The following TSHZ2 variants were observed in gnomAD, a reference collection of about 807,000 sequenced individuals.
TSHZ2 encodes the protein teashirt homolog 2.
Under a neutral mutation model 74.4 loss-of-function variants are expected in TSHZ2, and 21 were observed. The observed-to-expected ratio is 0.28, with a 90% CI of 0.20 to 0.41. TSHZ2 has a LOEUF of 0.41. Among genes scored for constraint, TSHZ2 ranks in the 10% least tolerant of loss-of-function variants. TSHZ2 has a pLI of 1.00. For synonymous variants in TSHZ2, 540 were observed against 515.3 expected (o/e 1.05, Z -0.65); for missense variants, 1,244 against 1,293.5 (o/e 0.96, Z 0.59).
rs561404749 is a variant in TSHZ2, at chr20:53,457,198, T to A, written c.*9-29946T>A. 7.6e-5 allele frequency among the ~76,000 whole-genome samples: 11 copies of A among 145,176 alleles called. 4 individuals are homozygous for A. In the East Asian group the frequency reaches 2.1e-3, roughly 28 times the overall value. On this transcript the variant is annotated intron_variant, in intron 2 of 2. Transcript: ENST00000371497. ...ATTCTTCCTACCCATGAGCATGGAA[T>A]GTTCTTCCAGTTGTTTGTATCCTCT...
In TSHZ2 at chr20:53,377,996, G is replaced by A. The variant is rs542356718; in HGVS notation, c.*9-109148G>A. Among the ~76,000 whole-genome samples, 5 of 152,258 alleles carry A rather than the reference G, an allele frequency of 3.3e-5. 1 individual carries two copies. The South Asian group carries it at 1.0e-3, about 32-fold the overall frequency. On this transcript the variant is annotated intron_variant, in intron 2 of 2. Coordinates refer to ENST00000371497, the MANE Select transcript of TSHZ2 (RefSeq NM_173485.6). ...GAAATGTGAAGACAAAATATCCTAA[G>A]ATGAGAGAAACTTCAGCTTTTACTC...
intron 1 of TSHZ2, among the ~76,000 whole-genome samples, chr20:52,999,429 A>G (rs1982328149): frequency 3.9e-5 from 6 of 152,336 alleles, no homozygotes; most frequent in Admixed American, 3.9e-4. Context: ...TAAACCATAG[A>G]GCCTTTGCCT....
chr20:53,360,236 T>C (rs1052102299), intron 2 of TSHZ2, among the ~76,000 whole-genome samples: 1 of 152,218 alleles, frequency 6.6e-6, no homozygotes, highest in African/African-American at 2.4e-5. Flanking sequence ...ATAATGATAA[T>C]TCAGTATAAG....
intron 1 of TSHZ2, among the ~76,000 whole-genome samples, chr20:53,183,963 TG>T: frequency 6.6e-6 from 1 of 152,158 alleles, no homozygotes; most frequent in South Asian, 2.1e-4. Context: ...CTGAGAGAAA[TG>T]AAGGGAGTCC....
At chr20:53,482,109 A>T (rs200982754) in intron 2 of TSHZ2, among the ~76,000 whole-genome samples, 10 of 18,846 alleles carry the variant, frequency 5.3e-4, no homozygotes, top group Admixed American at 1.8e-3. Context: ...TCCATCTCAT[A>T]AAAAAAAAAA....
intron 1 of TSHZ2, among the ~76,000 whole-genome samples, chr20:52,978,136 C>T (rs770444384): frequency 1.5e-4 from 23 of 152,224 alleles, no homozygotes; most frequent in Admixed American, 4.6e-4. Flanking sequence ...ATTCATTTGA[C>T]GGAATTTCTC....
chr20:53,007,621 G>A (rs537937215), intron 1 of TSHZ2, among the ~76,000 whole-genome samples: 1 of 152,136 alleles, frequency 6.6e-6, no homozygotes, highest in African/African-American at 2.4e-5. Context: ...GTGTGTGTGT[G>A]TGTGAGTATG....
At chr20:53,126,182 C>G (rs76751798) in intron 1 of TSHZ2, among the ~76,000 whole-genome samples, 204 of 152,316 alleles carry the variant, frequency 1.3e-3, no homozygotes, top group African/African-American at 4.7e-3. Context: ...ATAAATACTC[C>G]TTGCATCTAG....
chr20:53,234,450 A>C (rs1468193647), intron 1 of TSHZ2, among the ~76,000 whole-genome samples: 2 of 152,250 alleles, frequency 1.3e-5, no homozygotes, highest in African/African-American at 4.8e-5. Flanking sequence ...ACTAACAAAG[A>C]AAGATCACAA....
At chr20:53,183,694 A>G (rs117894370) in intron 1 of TSHZ2, among the ~76,000 whole-genome samples, 2,338 of 152,330 alleles carry the variant, frequency 0.015, 25 homozygotes, top group Non-Finnish European at 0.025. Flanking sequence ...TCAGCTGATC[A>G]GTGACTGACA....
At position 52,973,480 on chromosome 20, in the gene TSHZ2, C is replaced by T. The variant is rs1981209004; in HGVS notation, c.40+147C>T. On this transcript the variant is annotated intron_variant, in intron 1 of 2. Transcript: ENST00000371497. Reference sequence around the variant, plus strand: ...CCCTTCTAATAACCCCGTCCTCTCTCGCCTTCTCTGGTCTCCCAAATCCTC... The same window carrying T: ...CCCTTCTAATAACCCCGTCCTCTCTTGCCTTCTCTGGTCTCCCAAATCCTC... 2.8e-6 allele frequency: 3 copies of T among 1,060,018 alleles called. No homozygotes were observed. In the Middle Eastern group the frequency reaches 9.4e-4, roughly 331 times the overall value. 65.7% of individuals were successfully genotyped at this position (1,060,018 alleles called of 1,614,324 possible). A position where few individuals can be genotyped will look rare whatever the true frequency, so the allele number is the denominator to read the frequency against.
chr20:53,015,658 A>T (rs1360887234), intron 1 of TSHZ2, among the ~76,000 whole-genome samples: 2 of 152,166 alleles, frequency 1.3e-5, no homozygotes, highest in Non-Finnish European at 2.9e-5. Flanking sequence ...GTTAAAATAT[A>T]GGAGGGTAAT....
intron 2 of TSHZ2, among the ~76,000 whole-genome samples, chr20:53,257,854 C>G (rs1242520431): frequency 1.2e-4 from 19 of 152,148 alleles, no homozygotes; most frequent in Admixed American, 1.2e-3. Context: ...AATCGCTCAC[C>G]ACACCCTATT....
chr20:53,087,441 T>G (rs1425003453), intron 1 of TSHZ2, among the ~76,000 whole-genome samples: 2 of 152,216 alleles, frequency 1.3e-5, no homozygotes, highest in East Asian at 3.9e-4. Flanking sequence ...ATGTTTTAGC[T>G]CTGACAGTCG....
In TSHZ2 at chr20:53,114,940, A is replaced by T. The variant is rs375649840; in HGVS notation, c.41-138559A>T. Among the ~76,000 whole-genome samples the T allele has an allele frequency of 2.0e-4, 30 of 152,166 alleles. No homozygotes were observed. The East Asian group carries it at 5.0e-3, about 25-fold the overall frequency. ...AGGGTGGACCTGAGAGGCAGGAAAA[A>T]ACTTGGGTTGGGTATCACGCATTCT... is the stretch of plus-strand genomic sequence containing the variant. On this transcript the variant is annotated intron_variant, in intron 1 of 2. Transcript: ENST00000371497.
intron 2 of TSHZ2, among the ~76,000 whole-genome samples, chr20:53,269,409 C>G (rs1990784872): frequency 1.3e-5 from 2 of 152,128 alleles, no homozygotes; most frequent in South Asian, 2.1e-4. Context: ...TAGCATTAAC[C>G]TGCATTTCCT....
At chr20:53,215,706 T>C (rs1274367907) in intron 1 of TSHZ2, among the ~76,000 whole-genome samples, 1 of 151,520 alleles carries the variant, frequency 6.6e-6, no homozygotes, top group African/African-American at 2.4e-5. Flanking sequence ...CCATCTCTAC[T>C]AAAAATACAA....
chr20:53,380,316 CAG>C lies in TSHZ2; in HGVS notation c.*9-106825_*9-106824del, dbSNP rs543117624. ...AAAGGCTTTCTTATTTTAGCAGTTA[CAG>C]AGTCTTATATAAAGCAAAATAAAAA... On this transcript the variant is annotated intron_variant, in intron 2 of 2. Transcript: ENST00000371497. Among the ~76,000 whole-genome samples the C allele has an allele frequency of 3.3e-5, 5 of 152,218 alleles. No individual in the cohort carries two copies. In the South Asian group the frequency reaches 1.0e-3, roughly 32 times the overall value.
At chr20:53,020,719 A>G (rs1983212118) in intron 1 of TSHZ2, among the ~76,000 whole-genome samples, 2 of 152,240 alleles carry the variant, frequency 1.3e-5, no homozygotes, top group Admixed American at 1.3e-4. Flanking sequence ...GCCAAAATCC[A>G]AAGACCAGGG....
Sources: gnomAD v4.1 joint callset for allele counts (sites outside exome capture counted in the v4.1 genomes callset) on GRCh38, gnomAD v4.1.1 for gene constraint, MANE v1.5 for transcripts, NCBI Gene and HGNC (gene_info 2026-07-23, HGNC 2026-07-21) for gene names.